The following DDAH1 variants were observed in gnomAD, a reference collection of about 807,000 sequenced individuals.
DDAH1 encodes N(G),N(G)-dimethylarginine dimethylaminohydrolase 1.
A neutral mutation model predicts 28.8 loss-of-function variants in DDAH1; 19 were observed. That is an observed-to-expected ratio of 0.66 (90% CI 0.46 to 0.97). The LOEUF is 0.97. DDAH1 is among the 50% of genes least tolerant of loss of function. The pLI, the probability that DDAH1 is intolerant of heterozygous loss-of-function variation, is 0.00. For synonymous variants in DDAH1, 153 were observed against 154.4 expected, an observed-to-expected ratio of 0.99 and a Z score of 0.07; for missense variants, 326 against 375.9, an observed-to-expected ratio of 0.87 and a Z score of 1.10.
At chr1:85,536,986 C>T (rs78811681) in intron 1 of DDAH1, among the ~76,000 whole-genome samples, 7,280 of 29,802 alleles carry the variant, frequency 0.24, 427 homozygotes, top group Middle Eastern at 0.36. Context: ...TATATATATA[C>T]GTATATACAT....
chr1:85,415,005 CTTTTTTTT>C (rs71727580), intron 1 of DDAH1, among the ~76,000 whole-genome samples: 4 of 57,566 alleles, frequency 6.9e-5, no homozygotes, highest in South Asian at 9.9e-4. Context: ...TCAAGTGTTG[CTTTTTTTT>C]TTTTTTTTTT....
At chr1:85,511,880 C>A (rs1280064195) in intron 1 of DDAH1, among the ~76,000 whole-genome samples, 1 of 152,104 alleles carries the variant, frequency 6.6e-6, no homozygotes, top group Non-Finnish European at 1.5e-5. Context: ...CAAAAAAAGT[C>A]CAGGACCAGA....
intron 2 of DDAH1, among the ~76,000 whole-genome samples, chr1:85,352,424 A>G (rs1649267644): frequency 6.6e-6 from 1 of 152,212 alleles, no homozygotes; most frequent in South Asian, 2.1e-4. Context: ...AATGATTGTA[A>G]TAAAGCATCC....
At position 85,324,759 on chromosome 1, in the gene DDAH1, T is replaced by C. The variant is rs1647264679; in HGVS notation, c.722A>G (p.Glu241Gly). The C allele has an allele frequency of 6.2e-7, 1 of 1,614,076 alleles. No homozygotes were observed. Among genetic ancestry groups the C allele is most frequent in the Non-Finnish European group, 8.5e-7 (1 of 1,180,040 alleles). Residue 241 changes from glutamate to glycine, a missense_variant, in exon 5 of 6, where the codon GAG becomes GGG. Glu to Gly is a moderately conservative substitution (Grantham distance 98). Transcript: ENST00000284031. ...GHVLLHRTPEEYPESAKVYEK... is the reference protein window; with the variant it reads ...GHVLLHRTPEGYPESAKVYEK... ...TTTTACCTTTGCACTTTCTGGATAC[T>C]CTTCCGGGGTTCGGTGCAGCAAGAC...
At chr1:85,479,907 C>A (rs1196389625) in intron 2 of DDAH1, among the ~76,000 whole-genome samples, 1 of 152,182 alleles carries the variant, frequency 6.6e-6, no homozygotes, top group Non-Finnish European at 1.5e-5. Context: ...AACGACTATA[C>A]CCATCTTACA....
At chr1:85,562,877 C>A (rs1415205225) in intron 1 of DDAH1, among the ~76,000 whole-genome samples, 1 of 152,148 alleles carries the variant, frequency 6.6e-6, no homozygotes. Flanking sequence ...TACAGATACT[C>A]CAGCAAAATT....
intron 4 of DDAH1, among the ~76,000 whole-genome samples, chr1:85,343,695 G>A (rs1648655235): frequency 6.6e-6 from 1 of 152,196 alleles, no homozygotes; most frequent in Admixed American, 6.5e-5. Flanking sequence ...CTGTTGATAT[G>A]AGCTAGTTAG....
chr1:85,440,445 G>T (rs559604056), intron 1 of DDAH1, among the ~76,000 whole-genome samples: 1 of 152,238 alleles, frequency 6.6e-6, no homozygotes, highest in Non-Finnish European at 1.5e-5. Context: ...GAGCTCACAG[G>T]GGTCTAATCA....
intron 1 of DDAH1, among the ~76,000 whole-genome samples, chr1:85,401,088 T>G (rs1166440112): frequency 6.6e-6 from 1 of 152,044 alleles, no homozygotes; most frequent in Non-Finnish European, 1.5e-5. Flanking sequence ...GGCTAAAGAG[T>G]GAACACTTTT....
At chr1:85,347,944 C>T (rs1398207545) in intron 4 of DDAH1, among the ~76,000 whole-genome samples, 3 of 152,130 alleles carry the variant, frequency 2.0e-5, no homozygotes, top group Admixed American at 6.6e-5. Flanking sequence ...AGTTTGTCCT[C>T]TTATTTTCAC....
At chr1:85,360,172 T>A (rs935220837) in intron 1 of DDAH1, among the ~76,000 whole-genome samples, 2 of 152,154 alleles carry the variant, frequency 1.3e-5, no homozygotes, top group African/African-American at 2.4e-5. Flanking sequence ...ATGGAAATAC[T>A]TTGACAACAA....
At chr1:85,523,857 A>G (rs1187402883) in intron 1 of DDAH1, among the ~76,000 whole-genome samples, 16 of 152,320 alleles carry the variant, frequency 1.1e-4, no homozygotes, top group African/African-American at 3.6e-4. Context: ...TGGCATTAAC[A>G]TTAAGGATAT....
intron 1 of DDAH1, among the ~76,000 whole-genome samples, chr1:85,448,375 G>T (rs1419338820): frequency 3.9e-5 from 6 of 152,166 alleles, no homozygotes; most frequent in Non-Finnish European, 1.5e-5. Context: ...AAGAGATAAG[G>T]AATGGCAGGA....
chr1:85,515,016 T>TACACACACAC (rs3058833), intron 1 of DDAH1, among the ~76,000 whole-genome samples: 1 of 48,258 alleles, frequency 2.1e-5, no homozygotes. Context: ...AGAGCTAGAA[T>TACACACACAC]ACACACACAC....
intron 1 of DDAH1, among the ~76,000 whole-genome samples, chr1:85,413,834 A>C (rs1178505651): frequency 6.6e-6 from 1 of 152,242 alleles, no homozygotes; most frequent in Non-Finnish European, 1.5e-5. Flanking sequence ...GAAGACAAAA[A>C]CAGTAACTGA....
At chr1:85,324,207 T>C (rs1014401697) in intron 5 of DDAH1, among the ~76,000 whole-genome samples, 2 of 150,460 alleles carry the variant, frequency 1.3e-5, no homozygotes, top group East Asian at 1.9e-4. Flanking sequence ...GGAGGTGGGG[T>C]TGCAGTGAGC....
rs111840179 is a variant in DDAH1, at chr1:85,430,237, T to C, written c.303+34506A>G. Among the ~76,000 whole-genome samples, 148 of 152,332 alleles carry C rather than the reference T, an allele frequency of 9.7e-4. 1 individual carries two copies. The highest frequency in any genetic ancestry group is 3.4e-3 in the Middle Eastern group (1 of 294). On this transcript the variant is annotated intron_variant, in intron 1 of 5. Coordinates refer to ENST00000284031, the MANE Select transcript of DDAH1 (RefSeq NM_012137.4). Reference sequence around the variant, plus strand: ...TGTGTGGTGTTATTTCTGAGGGCTCTGTTCTGTTCCATTGGTCTATATCTC... The same window carrying C: ...TGTGTGGTGTTATTTCTGAGGGCTCCGTTCTGTTCCATTGGTCTATATCTC...
chr1:85,415,113 C>G (rs1365180191), intron 1 of DDAH1, among the ~76,000 whole-genome samples: 2 of 139,026 alleles, frequency 1.4e-5, no homozygotes, highest in Non-Finnish European at 3.0e-5. Context: ...CTCCCAAGTT[C>G]ACGTGATTCT....
chr1:85,501,510 A>G (rs1656818726), intron 1 of DDAH1, among the ~76,000 whole-genome samples: 1 of 152,178 alleles, frequency 6.6e-6, no homozygotes, highest in Non-Finnish European at 1.5e-5. Flanking sequence ...TAGTACCCAT[A>G]TGCAGATTTC....
Sources: gnomAD v4.1 joint callset for allele counts (sites outside exome capture counted in the v4.1 genomes callset) on GRCh38, gnomAD v4.1.1 for gene constraint, MANE v1.5 for transcripts, NCBI Gene and HGNC (gene_info 2026-07-23, HGNC 2026-07-21) for gene names.